MYPN: variants seen among roughly 807,000 people sequenced by gnomAD.
MYPN encodes the protein sarcomeric protein myopalladin, 145 kDa (MYOP).
In MYPN, 63 loss-of-function variants were observed where a neutral mutation model predicts 129.4. That is an observed-to-expected ratio of 0.49 (90% confidence interval 0.40 to 0.60). MYPN has a LOEUF of 0.60. MYPN is among the 20% of genes least tolerant of loss of function. The probability of loss-of-function intolerance (pLI) is 0.00; values close to 1 mark genes in which losing one functional copy is unlikely to be tolerated. For missense variants in MYPN, 1,596 were observed against 1,635.4 expected (o/e 0.98, Z 0.42); for synonymous variants, 629 against 600.9 (o/e 1.05, Z -0.68).
chr10:68,184,501 TCA>T (rs2043389611), intron 12 of MYPN, among the ~76,000 whole-genome samples: 1 of 152,156 alleles, frequency 6.6e-6, no homozygotes, highest in African/African-American at 2.4e-5. Context: ...CGATCTTGAC[TCA>T]CTACAACCTC....
chr10:68,119,378 C>CATTTT (rs1039536250), intron 1 of MYPN, among the ~76,000 whole-genome samples: 1 of 140,764 alleles, frequency 7.1e-6, no homozygotes, highest in Non-Finnish European at 1.5e-5. Context: ...AACACCTTTG[C>CATTTT]ATTTTATTTT....
Position 68,122,088 on chromosome 10 carries a change from CGG to C in MYPN, c.651_652del (p.Asp218TyrfsTer4). 6.2e-7 allele frequency: 1 copy of C among 1,614,136 alleles called. No homozygotes were observed. Among genetic ancestry groups the C allele is most frequent in the Non-Finnish European group, 8.5e-7 (1 of 1,180,018 alleles). On this transcript the variant is annotated frameshift_variant, in exon 2 of 20. Transcript: ENST00000358913. LOFTEE classifies it high-confidence loss of function. ...TCTTCTGTTCCCATCCCTATCCCTGCGGATACCAGGGATAATGAAGTGAATCA... is the reference window on the plus strand; with the variant it reads ...TCTTCTGTTCCCATCCCTATCCCTGCATACCAGGGATAATGAAGTGAATCA...
chr10:68,201,588 G>A (rs374875788), intron 17 of MYPN, among the ~76,000 whole-genome samples: 4,754 of 9,324 alleles, frequency 0.51, 253 homozygotes, highest in African/African-American at 0.52. Context: ...CCAACATGAC[G>A]AAACCCCTAT....
intron 13 of MYPN, 66 bp from the exon 14 acceptor site, chr10:68,194,297 G>A (rs1410640456): frequency 6.3e-7 from 1 of 1,575,102 alleles, no homozygotes; most frequent in Non-Finnish European, 8.7e-7. Context: ...CCTCACCCCA[G>A]ACCCTAGTTC....
At chr10:68,121,417 G>T in intron 1 of MYPN, 21 bp from the exon 2 acceptor site, 1 of 1,601,534 alleles carries the variant, frequency 6.2e-7, no homozygotes, top group South Asian at 1.1e-5. Context: ...CAAACTTTTT[G>T]TTATTATTAT....
At chr10:68,102,758 A>G (rs548234729), upstream of MYPN, among the ~76,000 whole-genome samples, 1 of 152,034 alleles carries the variant, frequency 6.6e-6, no homozygotes, top group African/African-American at 2.4e-5. Context: ...AACTACAATT[A>G]AAAAAAAGAA....
chr10:68,180,259 C>T (rs1207887274), intron 12 of MYPN, among the ~76,000 whole-genome samples: 1 of 152,236 alleles, frequency 6.6e-6, no homozygotes, highest in African/African-American at 2.4e-5. Context: ...ATTCTCTGCT[C>T]ACTGCAACCT....
At chr10:68,200,295 T>C (rs888937760) in intron 17 of MYPN, among the ~76,000 whole-genome samples, 1 of 152,152 alleles carries the variant, frequency 6.6e-6, no homozygotes, top group African/African-American at 2.4e-5. Flanking sequence ...TGAATCAATA[T>C]CTAAACAAGT....
chr10:68,167,543 T>C (rs1291593716), intron 10 of MYPN, among the ~76,000 whole-genome samples: 1 of 151,972 alleles, frequency 6.6e-6, no homozygotes, highest in East Asian at 1.9e-4. Context: ...AAGGGCATGA[T>C]ATTGCTATTA....
intron 16 of MYPN, among the ~76,000 whole-genome samples, chr10:68,198,860 G>A (rs940386915): frequency 1.3e-5 from 2 of 152,024 alleles, no homozygotes; most frequent in East Asian, 1.9e-4. Flanking sequence ...ATGCCCTGTT[G>A]GGGGGATGGG....
intron 10 of MYPN, among the ~76,000 whole-genome samples, chr10:68,169,277 G>A (rs1205772249): frequency 2.0e-5 from 3 of 149,312 alleles, no homozygotes; most frequent in African/African-American, 7.4e-5. Context: ...AGAATGGCGT[G>A]AACCCAGGAG....
intron 6 of MYPN, among the ~76,000 whole-genome samples, chr10:68,151,603 G>A (rs1190956055): frequency 2.0e-5 from 3 of 152,102 alleles, no homozygotes; most frequent in Admixed American, 2.0e-4. Flanking sequence ...GTGATTAAGT[G>A]CCACAGACAC....
At chr10:68,190,387 A>G (rs2043492090) in intron 13 of MYPN, among the ~76,000 whole-genome samples, 2 of 152,144 alleles carry the variant, frequency 1.3e-5, no homozygotes, top group Non-Finnish European at 2.9e-5. Context: ...GGGTTTCACC[A>G]TGTTAGCCAA....
Position 68,210,398 on chromosome 10 carries a change from A to C in MYPN, c.3906A>C (p.Glu1302Asp). 1.9e-6 allele frequency: 3 copies of C among 1,614,136 alleles called. No individual in the cohort carries two copies. Among genetic ancestry groups the C allele is most frequent in the South Asian group, 1.1e-5 (1 of 91,076 alleles). The change falls in exon 20 of 20, where the codon GAA becomes GAC. Residue 1302 changes from glutamate (E) to aspartate (D), a missense_variant. Transcript: ENST00000358913. ...LDIFSAFSSM[E>D]STMVYSCSSR... ...TATTTTCTGCCTTTTCCTCCATGGA[A>C]AGCACGATGGTGTATTCATGCTCTT...
At chr10:68,128,890 T>C (rs1315759367) in intron 2 of MYPN, among the ~76,000 whole-genome samples, 2 of 152,074 alleles carry the variant, frequency 1.3e-5, no homozygotes, top group East Asian at 1.9e-4. Context: ...GTTTAAGAAA[T>C]TGAAGAAACC....
intron 12 of MYPN, among the ~76,000 whole-genome samples, chr10:68,183,706 A>AAAACCCCCAAAGGCC (rs1174711374): frequency 1.3e-5 from 2 of 152,144 alleles, no homozygotes; most frequent in South Asian, 2.1e-4. Context: ...GAAGCCATAG[A>AAAACCCCCAAAGGCC]AGGTTAAGAC....
At chr10:68,101,372 A>G (rs1246357682), upstream of MYPN, among the ~76,000 whole-genome samples, 2 of 152,210 alleles carry the variant, frequency 1.3e-5, no homozygotes, top group Non-Finnish European at 2.9e-5. Flanking sequence ...AGGTAAGACC[A>G]GAACAGTGGT....
At position 68,166,414 on chromosome 10, in the gene MYPN, C is replaced by T. The variant is rs1240696321; in HGVS notation, c.1721C>T (p.Pro574Leu). 1.2e-6 allele frequency: 2 copies of T among 1,614,016 alleles called. No homozygotes were observed. Among genetic ancestry groups the T allele is most frequent in the African/African-American group, 1.3e-5 (1 of 74,912 alleles). Residue 574 changes from proline (P) to leucine (L), a missense_variant, in exon 10 of 20, where the codon CCC (proline) becomes CTC (leucine). Coordinates refer to ENST00000358913, the MANE Select transcript of MYPN (RefSeq NM_032578.4). ...GAGCCTCCATCTGTGGAACAACCCC[C>T]CAAACCCAAACTCGAGGGGGTTCTG... The part of the protein sequence containing the change: ...HSEPPSVEQP[P>L]KPKLEGVLVN...
chr10:68,176,797 T>C (rs1333858224), intron 12 of MYPN, among the ~76,000 whole-genome samples: 1 of 152,212 alleles, frequency 6.6e-6, no homozygotes, highest in Non-Finnish European at 1.5e-5. Context: ...GGCTCAGTAG[T>C]GGAACTAGAA....
Sources: allele counts gnomAD v4.1 joint callset (sites outside exome capture counted in the v4.1 genomes callset), GRCh38; gene constraint gnomAD v4.1.1; transcripts MANE v1.5; gene names NCBI Gene and HGNC (gene_info 2026-07-23, HGNC 2026-07-21).